SARDH: variants seen among roughly 807,000 people sequenced by gnomAD.
SARDH encodes sarcosine dehydrogenase, mitochondrial.
Under a neutral mutation model 109.1 loss-of-function variants are expected in SARDH, and 95 were observed. The observed-to-expected ratio is 0.87, with a 90% confidence interval of 0.74 to 1.03. The LOEUF is 1.03. SARDH is among the 50% of genes least tolerant of loss of function. The pLI is 0.00. For missense variants in SARDH, 1,267 were observed against 1,287.8 expected, an observed-to-expected ratio of 0.98 and a Z score of 0.25; for synonymous variants, 572 against 534.8, an observed-to-expected ratio of 1.07 and a Z score of -0.96.
rs904901952 is a variant in SARDH at position 133,728,019 on chromosome 9, C to T, written c.915+1746G>A. ...ACCTGAGCGTGACCCCTGGCGGCCA[C>T]CTAGGGGAGGAGGCTCTCCCCAGGG... On this transcript the variant is annotated intron_variant, in intron 6 of 20. Coordinates refer to ENST00000439388, the MANE Select transcript of SARDH (RefSeq NM_001134707.2). This position sits in a 1 kb window ranked among gnomAD's most constrained non-coding sequence, Gnocchi z 5.0. 7.9e-5 allele frequency among the ~76,000 whole-genome samples: 12 copies of T among 152,084 alleles called. 1 individual carries two copies. Among genetic ancestry groups the T allele is most frequent in the African/African-American group, 2.9e-4 (12 of 41,420 alleles).
chr9:133,729,853 C>T lies in SARDH; in HGVS notation c.827G>A (p.Ser276Asn), dbSNP rs781696916. 1 of 1,611,946 alleles carries T rather than the reference C, an allele frequency of 6.2e-7. No homozygotes were observed. The highest frequency in any genetic ancestry group is 8.5e-7 in the Non-Finnish European group (1 of 1,180,004). Residue 276 changes from serine (S) to asparagine (N), a missense_variant, in exon 6 of 21, where the codon AGT becomes AAT. Transcript: ENST00000439388. ...GACTCCAGCCATCCGGCCCACAGCA[C>T]TTGCCCACACTCCTGCGGGCAGAGC... Reference protein sequence around the residue: ...CVVNCAGVWASAVGRMAGVKV... With the variant: ...CVVNCAGVWANAVGRMAGVKV...
At chr9:133,736,829 G>A (rs1330014211) in intron 1 of SARDH, among the ~76,000 whole-genome samples, 4 of 152,190 alleles carry the variant, frequency 2.6e-5, no homozygotes, top group Admixed American at 1.3e-4. Context: ...AAAGGGATGT[G>A]GCTGTGATCC....
chr9:133,678,551 G>A (rs1409063756), intron 17 of SARDH, among the ~76,000 whole-genome samples: 7 of 152,188 alleles, frequency 4.6e-5, no homozygotes, highest in South Asian at 2.1e-4. Context: ...GATGTTCTCC[G>A]CCTACCTTGT....
rs1037571072 is a variant in SARDH, at chr9:133,666,869, T to A, written c.2497A>T (p.Lys833Ter). 4 of 1,612,546 alleles carry A rather than the reference T, an allele frequency of 2.5e-6. No homozygotes were observed. The African/African-American group carries it at 5.3e-5, about 22-fold the overall frequency. The change falls in exon 20 of 21, where the codon AAA becomes TAA. Residue 833 changes from lysine (K) to a stop codon, truncating the protein, a stop_gained and splice_region_variant. Transcript: ENST00000439388. LOFTEE classifies it high-confidence loss of function. The surrounding 1 kb of genome is among the most constrained non-coding windows in gnomAD (Gnocchi z 5.2). ...GCCTCCAGGCCAAACATGGGTACTTTGCTGGAAGAAGCAGTAGAGAAAGCT... is the reference window on the plus strand; with the variant it reads ...GCCTCCAGGCCAAACATGGGTACTTAGCTGGAAGAAGCAGTAGAGAAAGCT... ...RRLVCFTMED[K>*]VPMFGLEAIW...
At chr9:133,731,992 G>C (rs554327168) in intron 3 of SARDH, among the ~76,000 whole-genome samples, 1 of 152,284 alleles carries the variant, frequency 6.6e-6, no homozygotes, top group East Asian at 1.9e-4. Flanking sequence ...AGTGTCCTCA[G>C]GCGTGGACCA....
intron 6 of SARDH, 149 bp from the exon 7 acceptor site, chr9:133,719,191 C>T (rs146270062): frequency 1.9e-5 from 12 of 635,896 alleles, no homozygotes; most frequent in Admixed American, 1.3e-4. Flanking sequence ...AGAGTGGACA[C>T]GGGGCCTCAA....
chr9:133,729,771 C>T lies in SARDH; in HGVS notation c.909G>A (p.Gly303=), dbSNP rs775599490. The T allele has an allele frequency of 1.1e-5, 18 of 1,612,244 alleles. No homozygotes were observed. Among genetic ancestry groups the T allele is most frequent in the Non-Finnish European group, 5.1e-6 (6 of 1,179,702 alleles). The part of the protein sequence containing the change: ...HAYVVTERIE[G]IQNMPNVRDH... ...CCCGGGGCTGTCCACCTACCTGAAT[C>T]CCCTCGATGCGCTCGGTGACGACAT... Residue 303 remains glycine, a synonymous_variant, in exon 6 of 21, where the codon GGG becomes GGA. Transcript: ENST00000439388.
downstream of SARDH, among the ~76,000 whole-genome samples, chr9:133,661,878 T>C (rs1832421831): frequency 6.6e-6 from 1 of 152,176 alleles, no homozygotes; most frequent in East Asian, 1.9e-4. Context: ...AAAAAAAATT[T>C]AAAAATAGCT....
intron 6 of SARDH, among the ~76,000 whole-genome samples, chr9:133,722,037 A>G (rs1029206068): frequency 1.3e-5 from 2 of 152,124 alleles, no homozygotes; most frequent in African/African-American, 4.8e-5. Flanking sequence ...ATTTGCTTGA[A>G]CCCAGGAAGC....
intron 11 of SARDH, among the ~76,000 whole-genome samples, chr9:133,707,952 C>A (rs1038359619): frequency 2.0e-5 from 3 of 152,182 alleles, no homozygotes; most frequent in African/African-American, 7.2e-5. Flanking sequence ...GCTGCATACA[C>A]CCACCAAGAC....
Position 133,724,507 on chromosome 9 carries a change from A to G in SARDH, c.915+5258T>C, listed in dbSNP as rs553217110. On this transcript the variant is annotated intron_variant, in intron 6 of 20. Transcript: ENST00000439388. Reference sequence around the variant, plus strand: ...TGACCGGCATAAAAAAAGACAAAAAATAACAAGACTTGGTGAGGATGGAGG... The same window carrying G: ...TGACCGGCATAAAAAAAGACAAAAAGTAACAAGACTTGGTGAGGATGGAGG... Among the ~76,000 whole-genome samples, 8 of 152,334 alleles carry G rather than the reference A, an allele frequency of 5.3e-5. No homozygotes were observed. In the South Asian group the frequency reaches 1.7e-3, roughly 32 times the overall value.
intron 6 of SARDH, among the ~76,000 whole-genome samples, chr9:133,727,584 T>C (rs1199232664): frequency 1.3e-5 from 2 of 152,232 alleles, no homozygotes; most frequent in Admixed American, 6.5e-5. Context: ...CTGCAGCCTC[T>C]GGAAGGGACA....
upstream of SARDH, chr9:133,738,410 G>C (rs1340383028): frequency 6.6e-6 from 1 of 152,156 alleles, no homozygotes; most frequent in Non-Finnish European, 1.5e-5. Context: ...CAGGATCTGG[G>C]CGGAGCGTAC....
At position 133,684,036 on chromosome 9, in the gene SARDH, G is replaced by A. The variant is rs777312369; in HGVS notation, c.2163+1157C>T. ...CTGGGTAACATCCGTCATGCAGGGC[G>A]ACATCTCCTCCAGCATGAGCGCTGG... On this transcript the variant is annotated intron_variant, in intron 17 of 20. Transcript: ENST00000439388. Among the ~76,000 whole-genome samples, 7 of 150,816 alleles carry A rather than the reference G, an allele frequency of 4.6e-5. No homozygotes were observed. In the East Asian group the frequency reaches 9.7e-4, roughly 21 times the overall value.
At chr9:133,663,378 C>T (rs1829948215), downstream of SARDH, among the ~76,000 whole-genome samples, 1 of 152,264 alleles carries the variant, frequency 6.6e-6, no homozygotes, top group South Asian at 2.1e-4. Flanking sequence ...AGCCGAGAGG[C>T]ACCATCCTGA....
rs529261789 is a variant in SARDH, at chr9:133,734,133, T to C, written c.41A>G (p.His14Arg). ...LSRALRVAAAHPRQSPTRGMG... is the reference protein window; with the variant it reads ...LSRALRVAAARPRQSPTRGMG... ...GCCCCGGGTAGGGCTCTGGCGAGGG[T>C]GGGCAGCAGCCACACGTAGGGCTCG... Residue 14 changes from histidine (H) to arginine (R), a missense_variant, in exon 2 of 21, where the codon CAC (histidine) becomes CGC (arginine). Coordinates refer to ENST00000439388, the MANE Select transcript of SARDH (RefSeq NM_001134707.2). 1.1e-5 allele frequency: 17 copies of C among 1,607,934 alleles called. No homozygotes were observed. The highest frequency in any genetic ancestry group is 4.2e-6 in the Non-Finnish European group (5 of 1,177,892).
chr9:133,685,411 C>T, intron 16 of SARDH, 125 bp from the exon 17 acceptor site: 1 of 657,908 alleles, frequency 1.5e-6, no homozygotes, highest in Non-Finnish European at 2.6e-6. Flanking sequence ...TGACAATAAA[C>T]ATGGATTAAT....
intron 8 of SARDH, among the ~76,000 whole-genome samples, chr9:133,713,992 G>A (rs1045605851): frequency 1.3e-5 from 2 of 152,202 alleles, no homozygotes; most frequent in Admixed American, 6.5e-5. Context: ...AAAAACAGAC[G>A]GTCTCGTAAA....
chr9:133,691,247 C>T (rs1472288054), intron 15 of SARDH, among the ~76,000 whole-genome samples: 1 of 151,640 alleles, frequency 6.6e-6, no homozygotes, highest in South Asian at 2.1e-4. Context: ...TCCTGAGTGG[C>T]CCCCCCAGTC....
Sources: allele counts gnomAD v4.1 joint callset (sites outside exome capture counted in the v4.1 genomes callset), GRCh38; gene constraint gnomAD v4.1.1; non-coding constraint Gnocchi (gnomAD v3.1); transcripts MANE v1.5; gene names NCBI Gene and HGNC (gene_info 2026-07-23, HGNC 2026-07-21).